Variants in LOXL3 observed in about 807,000 individuals in gnomAD.
The protein encoded by LOXL3 is lysyl oxidase homolog 3.
In LOXL3, 60 loss-of-function variants were observed where a neutral mutation model predicts 91.8. The observed-to-expected ratio is 0.65, with a 90% CI of 0.53 to 0.81. LOXL3 has a LOEUF of 0.81. Ranked by LOEUF, LOXL3 falls within the 30% of genes least tolerant of loss-of-function variation. The pLI, the probability that LOXL3 is intolerant of heterozygous loss-of-function variation, is 0.00. For synonymous variants in LOXL3, 355 were observed against 387.6 expected, an observed-to-expected ratio of 0.92 and a Z score of 0.99; for missense variants, 874 against 1,000.4, an observed-to-expected ratio of 0.87 and a Z score of 1.70.
upstream of LOXL3, chr2:74,555,313 G>A (rs756477129): frequency 2.4e-5 from 38 of 1,613,930 alleles, no homozygotes; most frequent in Admixed American, 5.0e-5. This position sits in a 1 kb window ranked among gnomAD's most constrained non-coding sequence, Gnocchi z 6.1. Context: ...TGTGAGTGTG[G>A]CCCCCGTCAC....
chr2:74,555,489 A>G (rs750224774), upstream of LOXL3: 41 of 1,609,588 alleles, frequency 2.5e-5, no homozygotes, highest in Non-Finnish European at 1.7e-5. The surrounding 1 kb of genome is among the most constrained non-coding windows in gnomAD (Gnocchi z 6.1). Context: ...GGGGGCAGTT[A>G]CAGAGGCAGA....
rs948895825 is a variant in LOXL3, at chr2:74,549,069, G to C, written c.692+300C>G. 1.2e-5 allele frequency: 3 copies of C among 241,560 alleles called. No homozygotes were observed. Among genetic ancestry groups the C allele is most frequent in the South Asian group, 3.0e-4 (2 of 6,654 alleles). 15.0% of individuals were successfully genotyped at this position (241,560 alleles called of 1,614,324 possible). On this transcript the variant is annotated intron_variant, in intron 4 of 13. Transcript: ENST00000264094. This position sits in a 1 kb window ranked among gnomAD's most constrained non-coding sequence, Gnocchi z 5.3. Reference sequence around the variant, plus strand: ...GCGCTGGAATCGCCCCCGCGCCTGGGAGTGGCCTCGCGAGGCCGGCGCGCG... The same window carrying C: ...GCGCTGGAATCGCCCCCGCGCCTGGCAGTGGCCTCGCGAGGCCGGCGCGCG...
In LOXL3 at chr2:74,549,309, C is replaced by A. The variant is rs1676832488; in HGVS notation, c.692+60G>T. ...GGACCTGCTCAGATGTCTCCCAAGG[C>A]TATTCATCAGGGAGCACCCCAATCC... On this transcript the variant is annotated intron_variant, in intron 4 of 13. Coordinates refer to ENST00000264094, the MANE Select transcript of LOXL3 (RefSeq NM_032603.5). This position sits in a 1 kb window ranked among gnomAD's most constrained non-coding sequence, Gnocchi z 5.3. 1 of 1,493,032 alleles carries A rather than the reference C, an allele frequency of 6.7e-7. No individual in the cohort carries two copies. Among genetic ancestry groups the A allele is most frequent in the Non-Finnish European group, 9.0e-7 (1 of 1,115,928 alleles). The allele number at this position is 1,493,032 out of a possible 1,614,324, so 92.5% of individuals were successfully genotyped here.
chr2:74,555,003 C>T (rs954900947), upstream of LOXL3: 1 of 1,365,326 alleles, frequency 7.3e-7, no homozygotes, highest in East Asian at 2.5e-5. This position sits in a 1 kb window ranked among gnomAD's most constrained non-coding sequence, Gnocchi z 6.1. Flanking sequence ...CCTGGGGAGA[C>T]GGAGTGGCAT....
chr2:74,549,611 G>T lies in LOXL3; in HGVS notation c.478-28C>A. ...GGGGGCGGGGCCACAAGCAGGGAAA[G>T]AATCCCAGTGGCACCTTTCATGTGT... On this transcript the variant is annotated intron_variant, in intron 3 of 13. Transcript: ENST00000264094. The surrounding 1 kb of genome is among the most constrained non-coding windows in gnomAD (Gnocchi z 5.3). 1 of 1,589,602 alleles carries T rather than the reference G, an allele frequency of 6.3e-7. No individual in the cohort carries two copies. The highest frequency in any genetic ancestry group is 8.6e-7 in the Non-Finnish European group (1 of 1,163,688).
chr2:74,534,224 C>T lies in LOXL3; in HGVS notation c.1952G>A (p.Arg651Gln), dbSNP rs1024141954. The change falls in exon 12 of 14, where the codon CGG (arginine) becomes CAG (glutamine). Residue 651 changes from arginine (R) to glutamine (Q), a missense_variant. Coordinates refer to ENST00000264094, the MANE Select transcript of LOXL3 (RefSeq NM_032603.5). Reference protein sequence around the residue: ...DTECQEDVSKRYECANFGEQG... With the variant: ...DTECQEDVSKQYECANFGEQG... ...CTCTCCAAAGTTGGCACACTCATAC[C>T]GCTTGGAGACATCTGGAGGGATTGG... 1.7e-5 allele frequency: 28 copies of T among 1,614,070 alleles called. No homozygotes were observed. Among genetic ancestry groups the T allele is most frequent in the Non-Finnish European group, 1.9e-5 (22 of 1,180,048 alleles).
Position 74,532,721 on chromosome 2 carries a change from G to C in LOXL3, c.*885C>G. On this transcript the variant is annotated 3_prime_UTR_variant, in exon 14 of 14. Coordinates refer to ENST00000264094, the MANE Select transcript of LOXL3 (RefSeq NM_032603.5). ...TGGGCTCCCCTGCACACCGGTGAGG[G>C]AGAGGCTGCAGTGTGATATGGGGAT... 1 of 1,613,384 alleles carries C rather than the reference G, an allele frequency of 6.2e-7. No homozygotes were observed. Among genetic ancestry groups the C allele is most frequent in the Non-Finnish European group, 8.5e-7 (1 of 1,179,464 alleles).
At chr2:74,540,373 TAGGC>T (rs1230440450) in intron 4 of LOXL3, among the ~76,000 whole-genome samples, 1 of 152,214 alleles carries the variant, frequency 6.6e-6, no homozygotes, top group East Asian at 1.9e-4. Context: ...CTGACCAGGC[TAGGC>T]GGCAGAACTA....
In LOXL3 at chr2:74,533,938, A is replaced by G; in HGVS notation, c.2132T>C (p.Met711Thr). The G allele has an allele frequency of 6.2e-7, 1 of 1,614,146 alleles. No individual in the cohort carries two copies. Among genetic ancestry groups the G allele is most frequent in the Non-Finnish European group, 8.5e-7 (1 of 1,180,016 alleles). Residue 711 changes from methionine (M) to threonine (T), a missense_variant, in exon 13 of 14, where the codon ATG becomes ACG. Transcript: ENST00000264094. The stretch of plus-strand genomic sequence containing the variant: ...TCCATCATATTTGCAGTTACATTTC[A>G]TTGCATTGTTGGTAAAGTCACTCTC... ...VAESDFTNNA[M>T]KCNCKYDGHR...
Position 74,536,765 on chromosome 2 carries a change from CAG to C in LOXL3, c.854_855del (p.Pro285ArgfsTer48), listed in dbSNP as rs1173802720. ...TTCTGGCCACTGGATGCCGCGTAGA[CAG>C]GGCCTGGCACACAGCTCACCACTGC... ...GPAVVSCVPG[P>X]VYAASSGQKK... On this transcript the variant is annotated frameshift_variant, in exon 5 of 14. Transcript: ENST00000264094. LOFTEE classifies it high-confidence loss of function. This position sits in a 1 kb window ranked among gnomAD's most constrained non-coding sequence, Gnocchi z 4.5. The C allele has an allele frequency of 6.2e-7, 1 of 1,614,098 alleles. No individual in the cohort carries two copies. The highest frequency in any genetic ancestry group is 8.5e-7 in the Non-Finnish European group (1 of 1,180,036).
rs1474901654 is a variant in LOXL3, at chr2:74,535,953, T to A, written c.1248+43A>T. 6.5e-7 allele frequency: 1 copy of A among 1,528,144 alleles called. No individual in the cohort carries two copies. Among genetic ancestry groups the A allele is most frequent in the East Asian group, 2.3e-5 (1 of 44,342 alleles). The allele number at this position is 1,528,144 out of a possible 1,614,324, so 94.7% of individuals were successfully genotyped here. ...CTGTAGATTGGAGACCAGACCTGGA[T>A]AGGATGAAAGAGACCTCAACCAAGG... On this transcript the variant is annotated intron_variant, in intron 7 of 13. Transcript: ENST00000264094. This position sits in a 1 kb window ranked among gnomAD's most constrained non-coding sequence, Gnocchi z 4.2.
chr2:74,543,598 G>C (rs1047366613), intron 4 of LOXL3, among the ~76,000 whole-genome samples: 17 of 152,102 alleles, frequency 1.1e-4, no homozygotes, highest in African/African-American at 4.1e-4. Context: ...TAGAGTCAAA[G>C]GCGGGGCGTG....
chr2:74,534,430 G>A lies in LOXL3; in HGVS notation c.1825C>T (p.His609Tyr). The A allele has an allele frequency of 6.2e-7, 1 of 1,614,146 alleles. No homozygotes were observed. Among genetic ancestry groups the A allele is most frequent in the Non-Finnish European group, 8.5e-7 (1 of 1,179,984 alleles). Reference sequence around the variant, plus strand: ...GTGAAGATGTCCATGCTGTGGTAATGCCTGTGGGGAGAAGGGAACTTCTGT... The same window carrying A: ...GTGAAGATGTCCATGCTGTGGTAATACCTGTGGGGAGAAGGGAACTTCTGT... ...HSWVWHECHG[H>Y]YHSMDIFTHY... is the part of the protein sequence containing the mutation. The change falls in exon 11 of 14, where the codon CAT becomes TAT. Residue 609 changes from histidine (H) to tyrosine (Y), a missense_variant and splice_region_variant. Physicochemically the swap from His to Tyr is moderately conservative, Grantham distance 83. Transcript: ENST00000264094.
At chr2:74,553,688 C>T (rs957047356) in intron 1 of LOXL3, among the ~76,000 whole-genome samples, 188 bp downstream of exon 1, 1 of 152,154 alleles carries the variant, frequency 6.6e-6, no homozygotes, top group African/African-American at 2.4e-5. Flanking sequence ...TGTTCGAACA[C>T]CCGTAGCCCC....
chr2:74,552,688 T>A lies in LOXL3; in HGVS notation c.-12-42A>T, dbSNP rs1438768484. 4 of 1,447,656 alleles carry A rather than the reference T, an allele frequency of 2.8e-6. No individual in the cohort carries two copies. In the African/African-American group the frequency reaches 5.7e-5, roughly 21 times the overall value. The allele number at this position is 1,447,656 out of a possible 1,614,324, so 89.7% of individuals were successfully genotyped here. The stretch of plus-strand genomic sequence containing the variant: ...CAAAGTGTGCGTGAGAGAAACAGAT[T>A]GAGTGGGGCCCAGAGTCAGAAAGAG... On this transcript the variant is annotated intron_variant, in intron 1 of 13. Transcript: ENST00000264094.
chr2:74,552,712 A>C, intron 1 of LOXL3, 66 bp from the exon 2 acceptor site: 1 of 1,356,482 alleles, frequency 7.4e-7, no homozygotes, highest in Non-Finnish European at 9.8e-7. Context: ...AGTCAGAAAG[A>C]GAGGGAGAAG....
rs749724753 is a variant in LOXL3 at position 74,549,619 on chromosome 2, G to C, written c.478-36C>G. ...GGCCACAAGCAGGGAAAGAATCCCAGTGGCACCTTTCATGTGTCCCGCCGC... is the reference window on the plus strand; with the variant it reads ...GGCCACAAGCAGGGAAAGAATCCCACTGGCACCTTTCATGTGTCCCGCCGC... On this transcript the variant is annotated intron_variant, in intron 3 of 13. Transcript: ENST00000264094. This position sits in a 1 kb window ranked among gnomAD's most constrained non-coding sequence, Gnocchi z 5.3. 3.2e-6 allele frequency: 5 copies of C among 1,581,924 alleles called. No homozygotes were observed. The South Asian group carries it at 4.6e-5, about 14-fold the overall frequency.
chr2:74,552,806 G>A (rs1677104532), intron 1 of LOXL3, 160 bp from the exon 2 acceptor site: 13 of 639,326 alleles, frequency 2.0e-5, no homozygotes, highest in Non-Finnish European at 3.4e-5. Context: ...CAAGAGACAG[G>A]GAGAGAAACA....
At chr2:74,539,353 T>C (rs993021128) in intron 4 of LOXL3, among the ~76,000 whole-genome samples, 1 of 152,184 alleles carries the variant, frequency 6.6e-6, no homozygotes, top group Non-Finnish European at 1.5e-5. Flanking sequence ...CAGGAACTCA[T>C]GCTGCTCTCT....
Sources: allele counts gnomAD v4.1 joint callset (sites outside exome capture counted in the v4.1 genomes callset), GRCh38; gene constraint gnomAD v4.1.1; non-coding constraint Gnocchi (gnomAD v3.1); transcripts MANE v1.5; gene names NCBI Gene and HGNC (gene_info 2026-07-23, HGNC 2026-07-21).